ITGB4: variants seen among roughly 807,000 people sequenced by gnomAD.
ITGB4 encodes the protein integrin beta-4.
ITGB4 carries 159 observed loss-of-function variants against 207.6 expected under a neutral mutation model. That is an observed-to-expected ratio of 0.77 (90% CI 0.67 to 0.87). The LOEUF (loss-of-function observed/expected upper bound fraction) is 0.87. Ranked by LOEUF, ITGB4 falls within the 40% of genes least tolerant of loss-of-function variation. ITGB4 has a pLI of 0.00. For missense variants in ITGB4, 2,278 were observed against 2,546.8 expected, an observed-to-expected ratio of 0.89 and a Z score of 2.27; for synonymous variants, 1,020 against 1,062.7, an observed-to-expected ratio of 0.96 and a Z score of 0.78.
intron 1 of ITGB4, among the ~76,000 whole-genome samples, chr17:75,723,253 C>T (rs1019844211): frequency 3.9e-5 from 6 of 152,154 alleles, no homozygotes; most frequent in Non-Finnish European, 7.4e-5. Flanking sequence ...CATCTCCCGC[C>T]GGGCTCCTGT....
rs1351128598 is a variant in ITGB4 at position 75,732,110 on chromosome 17, T to C, written c.1378-53T>C. 6.2e-7 allele frequency: 1 copy of C among 1,608,838 alleles called. No homozygotes were observed. Among genetic ancestry groups the C allele is most frequent in the East Asian group, 2.2e-5 (1 of 44,852 alleles). On this transcript the variant is annotated intron_variant, in intron 11 of 39. Coordinates refer to ENST00000200181, the MANE Select transcript of ITGB4 (RefSeq NM_000213.5). The surrounding 1 kb of genome is among the most constrained non-coding windows in gnomAD (Gnocchi z 5.3). ...CACACAGGAGAGCGGAAGTGTCCAGTGGCCCCGGTCCTGCTCCCCCGACGC... is the reference window on the plus strand; with the variant it reads ...CACACAGGAGAGCGGAAGTGTCCAGCGGCCCCGGTCCTGCTCCCCCGACGC...
rs1358901763 is a variant in ITGB4 at position 75,731,157 on chromosome 17, T to TA, written c.1093-88dup. 1 of 1,602,322 alleles carries TA rather than the reference T, an allele frequency of 6.2e-7. No homozygotes were observed. Among genetic ancestry groups the TA allele is most frequent in the Non-Finnish European group, 8.5e-7 (1 of 1,172,636 alleles). On this transcript the variant is annotated intron_variant, in intron 9 of 39. Coordinates refer to ENST00000200181, the MANE Select transcript of ITGB4 (RefSeq NM_000213.5). This position sits in a 1 kb window ranked among gnomAD's most constrained non-coding sequence, Gnocchi z 6.8. ...GCCCTGGCTCCTGCAGGCTCTGTGA[T>TA]ACCCCGCATGATGCCAGCCACACTT...
At chr17:75,755,995 A>G (rs1568386100) in intron 35 of ITGB4, 145 bp downstream of exon 35, 4 of 1,012,978 alleles carry the variant, frequency 3.9e-6, no homozygotes, top group East Asian at 5.2e-5. Context: ...AGGGTCTCCC[A>G]CCCCATTCTC....
rs561681452 is a variant in ITGB4, at chr17:75,726,503, G to A, written c.80-692G>A. Among the ~76,000 whole-genome samples, 5 of 152,168 alleles carry A rather than the reference G, an allele frequency of 3.3e-5. No individual in the cohort carries two copies. In the East Asian group the frequency reaches 7.7e-4, roughly 24 times the overall value. ...TCCCAGCACTTTGGGAGGCTGAGGCGGGCAGATGATTTGAGGTCAGGAGTT... is the reference window on the plus strand; with the variant it reads ...TCCCAGCACTTTGGGAGGCTGAGGCAGGCAGATGATTTGAGGTCAGGAGTT... On this transcript the variant is annotated intron_variant, in intron 2 of 39. Coordinates refer to ENST00000200181, the MANE Select transcript of ITGB4 (RefSeq NM_000213.5).
chr17:75,740,300 C>T lies in ITGB4; in HGVS notation c.2447-58C>T. On this transcript the variant is annotated intron_variant, in intron 20 of 39. Transcript: ENST00000200181. This position sits in a 1 kb window ranked among gnomAD's most constrained non-coding sequence, Gnocchi z 5.9. ...GTTGCTGGAGGGATGCTCTGTGGTG[C>T]CTGTCATGCAGGGGGCTGACCACCT... is the stretch of plus-strand genomic sequence containing the variant. 1.4e-6 allele frequency: 2 copies of T among 1,458,296 alleles called. No homozygotes were observed. The allele number at this position is 1,458,296 out of a possible 1,614,324, so 90.3% of individuals were successfully genotyped here.
rs1249406494 is a variant in ITGB4, at chr17:75,724,696, G to C, written c.-8G>C. Reference sequence around the variant, plus strand: ...TGTCAATTGTTGCTGTTCTGCAGGAGGAAGAGGATGGCAGGGCCACGCCCC... The same window carrying C: ...TGTCAATTGTTGCTGTTCTGCAGGACGAAGAGGATGGCAGGGCCACGCCCC... On this transcript the variant is annotated splice_region_variant and 5_prime_UTR_variant, in exon 2 of 40. Coordinates refer to ENST00000200181, the MANE Select transcript of ITGB4 (RefSeq NM_000213.5). 2 of 1,612,662 alleles carry C rather than the reference G, an allele frequency of 1.2e-6. No individual in the cohort carries two copies. Among genetic ancestry groups the C allele is most frequent in the Non-Finnish European group, 1.7e-6 (2 of 1,178,966 alleles).
chr17:75,755,927 A>C, intron 35 of ITGB4, 77 bp downstream of exon 35: 3 of 1,525,362 alleles, frequency 2.0e-6, no homozygotes, highest in Non-Finnish European at 2.6e-6. Context: ...AGGGTACCTC[A>C]GCTGTGTCAG....
At chr17:75,743,689 G>C (rs2061168297) in intron 25 of ITGB4, 24 bp from the exon 26 acceptor site, 1 of 1,613,320 alleles carries the variant, frequency 6.2e-7, no homozygotes, top group African/African-American at 1.3e-5. Context: ...AGCACACTCT[G>C]ACAAATGCCC....
chr17:75,750,211 G>A lies in ITGB4; in HGVS notation c.3417G>A (p.Gly1139=). 1 of 1,613,834 alleles carries A rather than the reference G, an allele frequency of 6.2e-7. No individual in the cohort carries two copies. The highest frequency in any genetic ancestry group is 1.1e-5 in the South Asian group (1 of 91,082). Residue 1139 remains glycine, a synonymous_variant, in exon 28 of 40, where the codon GGG becomes GGA. Transcript: ENST00000200181. The surrounding 1 kb of genome is among the most constrained non-coding windows in gnomAD (Gnocchi z 5.5). ...AGAACCCCAATGCTAAGGCCGCTGGGTCCAGGAAGATCCATTTCAACTGGC... is the reference window on the plus strand; with the variant it reads ...AGAACCCCAATGCTAAGGCCGCTGGATCCAGGAAGATCCATTTCAACTGGC... The part of the protein sequence containing the change: ...APQNPNAKAA[G]SRKIHFNWLP...
intron 2 of ITGB4, 69 bp downstream of exon 2, chr17:75,724,851 G>A (rs2060686840): frequency 3.8e-6 from 5 of 1,330,470 alleles, no homozygotes; most frequent in East Asian, 4.6e-5. Flanking sequence ...GCCCTTGCAC[G>A]GGGATCTCAC....
intron 15 of ITGB4, 74 bp from the exon 16 acceptor site, chr17:75,736,491 G>C (rs2060978410): frequency 1.2e-6 from 2 of 1,602,396 alleles, no homozygotes; most frequent in Admixed American, 1.7e-5. Flanking sequence ...CCAAGGGCAA[G>C]AGGTTTGGGG....
In ITGB4 at chr17:75,731,720, C is replaced by G; in HGVS notation, c.1216-92C>G. 2.2e-6 allele frequency: 3 copies of G among 1,384,488 alleles called. No individual in the cohort carries two copies. Among genetic ancestry groups the G allele is most frequent in the Non-Finnish European group, 2.9e-6 (3 of 1,032,594 alleles). The allele number at this position is 1,384,488 out of a possible 1,614,324, so 85.8% of individuals were successfully genotyped here. ...CTCATTTCAGGGATCCAGACATCTC[C>G]TAGGAACTTGGGGGCCGAGGGCCTT... On this transcript the variant is annotated intron_variant, in intron 10 of 39. Coordinates refer to ENST00000200181, the MANE Select transcript of ITGB4 (RefSeq NM_000213.5). This position sits in a 1 kb window ranked among gnomAD's most constrained non-coding sequence, Gnocchi z 6.8.
chr17:75,730,625 T>A, intron 8 of ITGB4, 121 bp downstream of exon 8: 1 of 1,025,780 alleles, frequency 9.7e-7, no homozygotes, highest in Non-Finnish European at 1.4e-6. Flanking sequence ...TCCCTCCCTC[T>A]TTTCCTCCCT....
Position 75,732,964 on chromosome 17 carries a change from T to A in ITGB4, c.1455-526T>A, listed in dbSNP as rs774918065. 6.6e-6 allele frequency among the ~76,000 whole-genome samples: 1 copy of A among 152,078 alleles called. No homozygotes were observed. The highest frequency in any genetic ancestry group is 1.5e-5 in the Non-Finnish European group (1 of 68,032). On this transcript the variant is annotated intron_variant, in intron 12 of 39. Transcript: ENST00000200181. The surrounding 1 kb of genome is among the most constrained non-coding windows in gnomAD (Gnocchi z 5.3). ...GTAGCTGGGCGTGGTGGTGCATGCC[T>A]GTAATCCCAGCTACTCGGGAGGCTG...
chr17:75,724,841 G>T, intron 2 of ITGB4, 59 bp downstream of exon 2: 3 of 1,411,330 alleles, frequency 2.1e-6, no homozygotes, highest in Non-Finnish European at 3.0e-6. Context: ...GGCAGGCATT[G>T]CCCTTGCACG....
intron 34 of ITGB4, 32 bp downstream of exon 34, chr17:75,754,847 A>C: frequency 6.2e-7 from 1 of 1,613,536 alleles, no homozygotes; most frequent in South Asian, 1.1e-5. Context: ...TGCCTCTCCC[A>C]CTAACCCTTC....
In ITGB4 at chr17:75,739,530, C is replaced by T; in HGVS notation, c.2221-142C>T. ...ATGCCCTTGTGTGCCATGCTTACAC[C>T]CTGCTACCACCTGGATATTCTGGTG... On this transcript the variant is annotated intron_variant, in intron 18 of 39. Transcript: ENST00000200181. The surrounding 1 kb of genome is among the most constrained non-coding windows in gnomAD (Gnocchi z 5.4). 2.1e-6 allele frequency: 2 copies of T among 943,322 alleles called. No individual in the cohort carries two copies. Among genetic ancestry groups the T allele is most frequent in the East Asian group, 2.5e-5 (1 of 39,808 alleles). The allele number at this position is 943,322 out of a possible 1,614,324, so 58.4% of individuals were successfully genotyped here.
chr17:75,732,474 C>T lies in ITGB4; in HGVS notation c.1454+235C>T, dbSNP rs117703094. On this transcript the variant is annotated intron_variant, in intron 12 of 39. Coordinates refer to ENST00000200181, the MANE Select transcript of ITGB4 (RefSeq NM_000213.5). The surrounding 1 kb of genome is among the most constrained non-coding windows in gnomAD (Gnocchi z 5.3). ...CTAGAAAGAGGTGTGAGGATTGAGA[C>T]GGGGTTGGCTGTTGGGGCTGGGGTC... 3.7e-4 allele frequency among the ~76,000 whole-genome samples: 56 copies of T among 152,070 alleles called. No homozygotes were observed. The East Asian group carries it at 7.3e-3, about 20-fold the overall frequency.
rs374857018 is a variant in ITGB4, at chr17:75,750,275, C to T, written c.3474+7C>T. ...CAAGCCAATGGGGTACAGGGTAAGGCGGGGGGCTGAGGGTCACGACAGGTG... is the reference window on the plus strand; with the variant it reads ...CAAGCCAATGGGGTACAGGGTAAGGTGGGGGGCTGAGGGTCACGACAGGTG... On this transcript the variant is annotated splice_region_variant and intron_variant, in intron 28 of 39. Transcript: ENST00000200181. The surrounding 1 kb of genome is among the most constrained non-coding windows in gnomAD (Gnocchi z 5.5). The T allele has an allele frequency of 1.2e-4, 185 of 1,606,614 alleles. No individual in the cohort carries two copies. In the Middle Eastern group the frequency reaches 1.7e-3, roughly 14 times the overall value.
Sources: gnomAD v4.1 joint callset for allele counts (sites outside exome capture counted in the v4.1 genomes callset) on GRCh38, gnomAD v4.1.1 for gene constraint, Gnocchi (gnomAD v3.1) non-coding constraint, MANE v1.5 for transcripts, NCBI Gene and HGNC (gene_info 2026-07-23, HGNC 2026-07-21) for gene names.